KDM5A: variants seen among roughly 807,000 people sequenced by gnomAD.
KDM5A encodes lysine demethylase 5A.
KDM5A carries 42 observed loss-of-function variants against 193.5 expected under a neutral mutation model. The ratio of observed to expected loss-of-function variants is 0.22; its 90% CI spans 0.17 to 0.28. KDM5A has a LOEUF of 0.28. Ranked by LOEUF, KDM5A falls within the 10% of genes least tolerant of loss-of-function variation. The pLI, the probability that KDM5A is intolerant of heterozygous loss-of-function variation, is 1.00. For synonymous variants in KDM5A, 796 were observed against 718.1 expected, an observed-to-expected ratio of 1.11 and a Z score of -1.73; for missense variants, 1,692 against 2,055.1, an observed-to-expected ratio of 0.82 and a Z score of 3.42.
intron 12 of KDM5A, 69 bp downstream of exon 12, chr12:333,418 C>CAA: frequency 6.6e-7 from 1 of 1,511,728 alleles, no homozygotes; most frequent in African/African-American, 1.4e-5. Flanking sequence ...GACCCTGTTT[C>CAA]AAAAAAAAAG....
intron 27 of KDM5A, among the ~76,000 whole-genome samples, chr12:291,523 A>T (rs909270732): frequency 6.6e-6 from 1 of 152,186 alleles, no homozygotes; most frequent in African/African-American, 2.4e-5. Context: ...ATCATCTGTA[A>T]AATGAGCAGC....
chr12:334,534 T>C, intron 10 of KDM5A, 112 bp from the exon 11 acceptor site: 3 of 762,426 alleles, frequency 3.9e-6, no homozygotes, highest in South Asian at 3.0e-5. Flanking sequence ...AATAGTCTAG[T>C]GCATACAATC....
At chr12:351,063 G>C (rs1393303140) in intron 9 of KDM5A, among the ~76,000 whole-genome samples, 1 of 152,142 alleles carries the variant, frequency 6.6e-6, no homozygotes, top group African/African-American at 2.4e-5. Flanking sequence ...GGAGGAACAA[G>C]GAAATGTAAA....
chr12:316,336 A>T (rs7134353), intron 19 of KDM5A, among the ~76,000 whole-genome samples: 53,519 of 151,960 alleles, frequency 0.35, 10,105 homozygotes, highest in East Asian at 0.58. Flanking sequence ...GAGATCTTTG[A>T]GTGTCTTGTT....
intron 1 of KDM5A, 97 bp downstream of exon 1, chr12:388,830 T>C: frequency 2.1e-6 from 3 of 1,411,264 alleles, no homozygotes. Context: ...AGAGAGTACA[T>C]ATGAAACGAG....
At chr12:355,390 CACTGAAGATG>C (rs1701146498) in intron 6 of KDM5A, 141 bp from the exon 7 acceptor site, 2 of 657,796 alleles carry the variant, frequency 3.0e-6, no homozygotes, top group Admixed American at 2.4e-5. Context: ...TATTATCTCT[CACTGAAGATG>C]AAGAACCTGA....
chr12:365,966 A>G lies in KDM5A; in HGVS notation c.505T>C (p.Tyr169His). Residue 169 changes from tyrosine (Y) to histidine (H), a missense_variant, in exon 4 of 28, where the codon TAT becomes CAT. Physicochemically the swap from Tyr to His is moderately conservative, Grantham distance 83 (BLOSUM62 2). Transcript: ENST00000399788. ...CTCACACCAGACTGGAAAAGCTCAT[A>G]TGGGTAGAGAATTCTTTCATAATGT... ...KSHYERILYP[Y>H]ELFQSGVSLM... The G allele has an allele frequency of 6.2e-7, 1 of 1,614,072 alleles. No individual in the cohort carries two copies. The highest frequency in any genetic ancestry group is 1.1e-5 in the South Asian group (1 of 91,080).
intron 27 of KDM5A, among the ~76,000 whole-genome samples, chr12:291,676 C>T (rs776361656): frequency 2.0e-5 from 3 of 152,168 alleles, no homozygotes; most frequent in South Asian, 2.1e-4. Context: ...TATTAGAATT[C>T]TAAATATCAA....
rs528947157 is a variant in KDM5A at position 292,971 on chromosome 12, C to A, written c.4654G>T (p.Ala1552Ser). ...TCTTCTTCTTTTGCTAGTTTCTTGG[C>A]CAGTTTATTCAGCTCCTTTGATTTG... The part of the protein sequence containing the change: ...ADKSKELNKL[A>S]KKLAKEEERK... Residue 1552 changes from alanine (A) to serine (S), a missense_variant, in exon 27 of 28, where the codon GCC becomes TCC. Coordinates refer to ENST00000399788, the MANE Select transcript of KDM5A (RefSeq NM_001042603.3). 6.2e-7 allele frequency: 1 copy of A among 1,612,156 alleles called. No homozygotes were observed.
Position 317,900 on chromosome 12 carries a change from G to C in KDM5A, c.2897+206C>G, listed in dbSNP as rs192827625. 2.0e-3 allele frequency among the ~76,000 whole-genome samples: 300 copies of C among 152,138 alleles called. 1 individual carries two copies. The highest frequency in any genetic ancestry group is 6.6e-3 in the African/African-American group (275 of 41,500). ...GCTGCCTGCCAAAGCAGGGAGAGAG[G>C]AGAATCTCCCGGTTTCCTTCAGGCC... On this transcript the variant is annotated intron_variant, in intron 19 of 27. Transcript: ENST00000399788.
At chr12:328,770 T>G in intron 14 of KDM5A, 65 bp downstream of exon 14, 4 of 1,450,338 alleles carry the variant, frequency 2.8e-6, no homozygotes, top group Non-Finnish European at 3.9e-6. Flanking sequence ...AAATTCTACC[T>G]ATAGGTTTAT....
chr12:295,266 A>AAGGAAAAAGGAAAG (rs58481222), intron 26 of KDM5A, among the ~76,000 whole-genome samples: 21,289 of 149,034 alleles, frequency 0.14, 2,354 homozygotes, highest in East Asian at 0.48. Flanking sequence ...GAGAAAGGGG[A>AAGGAAAAAGGAAAG]AGGAAAAAGG....
At chr12:376,675 G>A (rs1944509134) in intron 3 of KDM5A, among the ~76,000 whole-genome samples, 1 of 152,184 alleles carries the variant, frequency 6.6e-6, no homozygotes, top group Non-Finnish European at 1.5e-5. Context: ...CGTCGCTCAC[G>A]CTGGGAGCTG....
intron 20 of KDM5A, among the ~76,000 whole-genome samples, chr12:312,381 G>A (rs1039996695): frequency 6.6e-6 from 1 of 152,090 alleles, no homozygotes; most frequent in Non-Finnish European, 1.5e-5. Flanking sequence ...GTACTGTGGT[G>A]CTCAGTAAAT....
At chr12:366,207 T>G (rs1211847048) in intron 3 of KDM5A, 103 bp from the exon 4 acceptor site, 2 of 992,460 alleles carry the variant, frequency 2.0e-6, no homozygotes, top group African/African-American at 3.3e-5. Flanking sequence ...GGCTTAAATT[T>G]CAAATTTCCT....
intron 10 of KDM5A, among the ~76,000 whole-genome samples, chr12:349,580 G>A (rs1046112614): frequency 2.7e-5 from 4 of 150,742 alleles, no homozygotes; most frequent in African/African-American, 2.4e-5. Flanking sequence ...CACCCACCTC[G>A]GCCTCACAAA....
At chr12:371,363 C>A (rs1944425364) in intron 3 of KDM5A, among the ~76,000 whole-genome samples, 1 of 152,126 alleles carries the variant, frequency 6.6e-6, no homozygotes, top group South Asian at 2.1e-4. Context: ...TCTCTGATGG[C>A]CAGTGATGAG....
At chr12:299,431 C>A (rs1482391022) in intron 24 of KDM5A, among the ~76,000 whole-genome samples, 1 of 152,216 alleles carries the variant, frequency 6.6e-6, no homozygotes, top group Non-Finnish European at 1.5e-5. Flanking sequence ...CTCAGAATTT[C>A]ATATCCAGCC....
At chr12:324,296 T>G (rs1943757290) in intron 14 of KDM5A, among the ~76,000 whole-genome samples, 1 of 151,872 alleles carries the variant, frequency 6.6e-6, no homozygotes, top group Non-Finnish European at 1.5e-5. Flanking sequence ...AGACCCTGTC[T>G]CTAAAAAAAA....
Sources: gnomAD v4.1 joint callset for allele counts (sites outside exome capture counted in the v4.1 genomes callset) on GRCh38, gnomAD v4.1.1 for gene constraint, MANE v1.5 for transcripts, NCBI Gene and HGNC (gene_info 2026-07-23, HGNC 2026-07-21) for gene names.